The following ZNF407 variants were observed in gnomAD, a reference collection of about 807,000 sequenced individuals.
The protein encoded by ZNF407 is zinc finger protein 407.
ZNF407 carries 17 observed loss-of-function variants against 131.2 expected under a neutral mutation model. The observed-to-expected ratio is 0.13, with a 90% CI of 0.09 to 0.19. ZNF407 has a LOEUF of 0.19. ZNF407 is among the 10% of genes least tolerant of loss of function. The probability of loss-of-function intolerance (pLI) is 1.00; values close to 1 mark genes in which losing one functional copy is unlikely to be tolerated. For missense variants in ZNF407, 2,681 were observed against 2,830.6 expected (o/e 0.95, Z 1.20); for synonymous variants, 1,156 against 1,062.0 (o/e 1.09, Z -1.72).
chr18:74,848,013 A>G (rs561986805), intron 4 of ZNF407, among the ~76,000 whole-genome samples: 2 of 152,260 alleles, frequency 1.3e-5, no homozygotes, highest in South Asian at 4.1e-4. Context: ...ACTTAAATTT[A>G]GAAGTGATGC....
chr18:74,613,331 A>C (rs948660462), intron 1 of ZNF407, among the ~76,000 whole-genome samples: 1 of 152,180 alleles, frequency 6.6e-6, no homozygotes, highest in Non-Finnish European at 1.5e-5. Context: ...TGTAAACCTT[A>C]AGCCATCATA....
intron 8 of ZNF407, among the ~76,000 whole-genome samples, chr18:75,002,634 C>T (rs1219636252): frequency 2.0e-5 from 3 of 152,132 alleles, no homozygotes; most frequent in East Asian, 1.9e-4. Flanking sequence ...AACCCCGTCT[C>T]TACTAAAAAA....
rs533597565 is a variant in ZNF407, at chr18:74,785,173, C to T, written c.4877+3671C>T. ...ACTTGTGTTTTTACTGGTGAATATTCAGATCAAAACCTTACGTATTTCTTC... is the reference window on the plus strand; with the variant it reads ...ACTTGTGTTTTTACTGGTGAATATTTAGATCAAAACCTTACGTATTTCTTC... On this transcript the variant is annotated intron_variant, in intron 4 of 8. Coordinates refer to ENST00000299687, the MANE Select transcript of ZNF407 (RefSeq NM_017757.3). 5.3e-5 allele frequency among the ~76,000 whole-genome samples: 8 copies of T among 151,216 alleles called. No homozygotes were observed. In the South Asian group the frequency reaches 6.3e-4, roughly 12 times the overall value.
At chr18:74,799,165 A>G (rs1168725043) in intron 4 of ZNF407, among the ~76,000 whole-genome samples, 1 of 152,130 alleles carries the variant, frequency 6.6e-6, no homozygotes, top group Non-Finnish European at 1.5e-5. Flanking sequence ...CTGTTCAAAG[A>G]AATTACTTAG....
chr18:74,688,098 A>G (rs1032860502), intron 3 of ZNF407, among the ~76,000 whole-genome samples: 5 of 152,214 alleles, frequency 3.3e-5, no homozygotes, highest in South Asian at 2.1e-4. Flanking sequence ...TTGTTTCTCT[A>G]TGGAATACAA....
intron 1 of ZNF407, among the ~76,000 whole-genome samples, chr18:74,626,857 T>C (rs1201533018): frequency 1.3e-5 from 2 of 152,168 alleles, no homozygotes; most frequent in Admixed American, 1.3e-4. Context: ...GTGGTTGCTG[T>C]GGTGGAGGGA....
intron 4 of ZNF407, among the ~76,000 whole-genome samples, chr18:74,816,609 C>A (rs919358150): frequency 1.3e-5 from 2 of 152,018 alleles, no homozygotes; most frequent in Admixed American, 6.6e-5. Context: ...TAGAATTTGG[C>A]GTTTTATTTG....
At chr18:74,917,409 T>A in intron 7 of ZNF407, among the ~76,000 whole-genome samples, 1 of 152,360 alleles carries the variant, frequency 6.6e-6, no homozygotes, top group Non-Finnish European at 1.5e-5. Flanking sequence ...CATATCTGTA[T>A]AAGAATATAT....
chr18:74,980,724 A>G lies in ZNF407; in HGVS notation c.5428+60032A>G, dbSNP rs918044268. On this transcript the variant is annotated intron_variant, in intron 8 of 8. Transcript: ENST00000299687. ...AGATTCATTTGCAGGCATGAGTGAC[A>G]TGATTTTTTTACATAAGAATATGTT... Among the ~76,000 whole-genome samples, 26 of 152,304 alleles carry G rather than the reference A, an allele frequency of 1.7e-4. No individual in the cohort carries two copies. In the East Asian group the frequency reaches 1.9e-3, roughly 11 times the overall value.
At chr18:74,719,021 T>C (rs1363143605) in intron 3 of ZNF407, among the ~76,000 whole-genome samples, 2 of 152,218 alleles carry the variant, frequency 1.3e-5, no homozygotes, top group African/African-American at 2.4e-5. Flanking sequence ...AAACTTTTTA[T>C]AGGATATGAC....
intron 8 of ZNF407, among the ~76,000 whole-genome samples, chr18:74,985,768 A>G (rs1171816195): frequency 6.6e-6 from 1 of 152,136 alleles, no homozygotes; most frequent in East Asian, 1.9e-4. Context: ...AGGGTAGTAC[A>G]AAAAACTGTC....
intron 3 of ZNF407, among the ~76,000 whole-genome samples, chr18:74,720,814 G>T (rs1395109254): frequency 6.6e-6 from 1 of 151,982 alleles, no homozygotes; most frequent in Non-Finnish European, 1.5e-5. Flanking sequence ...TTAATTTTTG[G>T]GTTCTCTATT....
At chr18:74,993,158 C>CA (rs1972738771) in intron 8 of ZNF407, among the ~76,000 whole-genome samples, 1 of 151,902 alleles carries the variant, frequency 6.6e-6, no homozygotes, top group African/African-American at 2.4e-5. Context: ...GGGATAAAAG[C>CA]AAAAAGCATA....
At chr18:74,946,685 A>C (rs1272748388) in intron 8 of ZNF407, among the ~76,000 whole-genome samples, 3 of 152,170 alleles carry the variant, frequency 2.0e-5, no homozygotes, top group Non-Finnish European at 4.4e-5. Context: ...CATGATTTGA[A>C]TGATTTGATT....
chr18:74,924,903 G>A (rs1277787747), intron 8 of ZNF407, among the ~76,000 whole-genome samples: 2 of 152,134 alleles, frequency 1.3e-5, no homozygotes, highest in South Asian at 2.1e-4. Flanking sequence ...GCTCATGAAC[G>A]AATGCTCACT....
At chr18:74,729,401 T>C (rs938274013) in intron 3 of ZNF407, among the ~76,000 whole-genome samples, 2 of 152,214 alleles carry the variant, frequency 1.3e-5, no homozygotes, top group Admixed American at 1.3e-4. Flanking sequence ...CATTGATTTT[T>C]TAATAAGCCT....
intron 4 of ZNF407, among the ~76,000 whole-genome samples, chr18:74,848,215 A>G (rs1164721947): frequency 6.6e-6 from 1 of 152,166 alleles, no homozygotes; most frequent in Non-Finnish European, 1.5e-5. Context: ...ATGAATTGAG[A>G]AACGTTGAGA....
intron 8 of ZNF407, among the ~76,000 whole-genome samples, chr18:75,052,765 G>T (rs1036635472): frequency 1.3e-5 from 2 of 152,146 alleles, no homozygotes; most frequent in African/African-American, 4.8e-5. Flanking sequence ...CCTTCTGGGG[G>T]TGCCTGTGCG....
At chr18:74,732,301 T>C (rs1968311907) in intron 3 of ZNF407, among the ~76,000 whole-genome samples, 1 of 152,174 alleles carries the variant, frequency 6.6e-6, no homozygotes, top group South Asian at 2.1e-4. Context: ...TTTCCTGCTT[T>C]CTGTAAGACC....
Sources: gnomAD v4.1 joint callset for allele counts (sites outside exome capture counted in the v4.1 genomes callset) on GRCh38, gnomAD v4.1.1 for gene constraint, MANE v1.5 for transcripts, NCBI Gene and HGNC (gene_info 2026-07-23, HGNC 2026-07-21) for gene names.